The following KIF6 variants were observed in gnomAD, a reference collection of about 807,000 sequenced individuals.
The protein encoded by KIF6 is kinesin family member 6.
A neutral mutation model predicts 112.7 loss-of-function variants in KIF6; 106 were observed. The ratio of observed to expected loss-of-function variants is 0.94; its 90% CI spans 0.80 to 1.11. KIF6 has a LOEUF of 1.11. Among genes scored for constraint, KIF6 ranks in the 50% least tolerant of loss-of-function variants. The probability of loss-of-function intolerance (pLI) is 0.00; values close to 1 mark genes in which losing one functional copy is unlikely to be tolerated. For missense variants in KIF6, 929 were observed against 964.0 expected (o/e 0.96, Z 0.48); for synonymous variants, 339 against 339.9 (o/e 1.00, Z 0.03).
intron 3 of KIF6, among the ~76,000 whole-genome samples, chr6:39,663,964 A>G (rs1786307362): frequency 6.6e-6 from 1 of 151,956 alleles, no homozygotes; most frequent in Admixed American, 6.6e-5. Context: ...AAACATGTTG[A>G]AAGATTTGTT....
chr6:39,721,523 T>C (rs1195057592), intron 1 of KIF6, among the ~76,000 whole-genome samples: 1 of 152,180 alleles, frequency 6.6e-6, no homozygotes, highest in Non-Finnish European at 1.5e-5. Flanking sequence ...CCTGGTTTCC[T>C]ACTCCATCAT....
intron 15 of KIF6, among the ~76,000 whole-genome samples, chr6:39,397,537 C>T (rs1410468693): frequency 1.3e-5 from 2 of 152,090 alleles, no homozygotes; most frequent in Non-Finnish European, 2.9e-5. Context: ...GTTTCCCCCT[C>T]CCTGAACTTG....
chr6:39,375,548 C>T (rs1766373714), intron 16 of KIF6, among the ~76,000 whole-genome samples: 1 of 152,084 alleles, frequency 6.6e-6, no homozygotes, highest in South Asian at 2.1e-4. Context: ...GGCAAATTTC[C>T]TCTCTCTGCT....
intron 13 of KIF6, among the ~76,000 whole-genome samples, chr6:39,460,536 T>TAAAAAAAAAAAAAAAG (rs1773405729): frequency 1.8e-5 from 1 of 57,078 alleles, no homozygotes; most frequent in Admixed American, 2.2e-4. Flanking sequence ...AAAAAAAAAG[T>TAAAAAAAAAAAAAAAG]AAAAAAAAAA....
At chr6:39,350,068 G>A (rs1207706035) in intron 19 of KIF6, among the ~76,000 whole-genome samples, 1 of 152,184 alleles carries the variant, frequency 6.6e-6, no homozygotes, top group East Asian at 1.9e-4. Context: ...GAAATGGCAA[G>A]GGCCAGTCAC....
At chr6:39,399,326 C>T (rs76661163) in intron 15 of KIF6, among the ~76,000 whole-genome samples, 5,994 of 152,268 alleles carry the variant, frequency 0.039, 185 homozygotes, top group Non-Finnish European at 0.05. Flanking sequence ...TTGTCCCCAC[C>T]TCACATGTGA....
intron 14 of KIF6, among the ~76,000 whole-genome samples, chr6:39,426,901 A>C (rs1417097336): frequency 6.6e-6 from 1 of 152,190 alleles, no homozygotes; most frequent in African/African-American, 2.4e-5. Flanking sequence ...TTGTGCTTAG[A>C]ACCTACTTGC....
chr6:39,662,604 A>G (rs990075591), intron 3 of KIF6, among the ~76,000 whole-genome samples: 1 of 152,182 alleles, frequency 6.6e-6, no homozygotes, highest in Non-Finnish European at 1.5e-5. Flanking sequence ...TCGAAACCCA[A>G]TGTAAGAAGT....
intron 5 of KIF6, among the ~76,000 whole-genome samples, chr6:39,627,848 C>A (rs1344723208): frequency 3.9e-5 from 6 of 152,084 alleles, no homozygotes; most frequent in Non-Finnish European, 8.8e-5. Context: ...AACAGTTATC[C>A]TGTTTTACTT....
intron 10 of KIF6, among the ~76,000 whole-genome samples, chr6:39,575,677 C>T (rs1780926806): frequency 6.6e-6 from 1 of 152,150 alleles, no homozygotes; most frequent in African/African-American, 2.4e-5. Context: ...GGGGCCCTTC[C>T]CTGTCTCTCC....
intron 15 of KIF6, among the ~76,000 whole-genome samples, chr6:39,405,941 C>G (rs563368126): frequency 2.8e-4 from 43 of 152,260 alleles, no homozygotes; most frequent in Non-Finnish European, 5.9e-4. Context: ...AATTTGTCTA[C>G]TTTTATCTAA....
In KIF6 at chr6:39,682,377, G is replaced by A. The variant is rs559764008; in HGVS notation, c.251+32315C>T. On this transcript the variant is annotated intron_variant, in intron 3 of 22. Transcript: ENST00000287152. ...GGATGTTACTGTACTGAATACAGTAGGCAACTGTAACACAGTACTAAGCAT... is the reference window on the plus strand; with the variant it reads ...GGATGTTACTGTACTGAATACAGTAAGCAACTGTAACACAGTACTAAGCAT... 2.0e-4 allele frequency among the ~76,000 whole-genome samples: 30 copies of A among 152,220 alleles called. 1 individual carries two copies. In the East Asian group the frequency reaches 5.8e-3, roughly 29 times the overall value.
At chr6:39,500,981 C>T (rs1276655712) in intron 13 of KIF6, among the ~76,000 whole-genome samples, 1 of 152,074 alleles carries the variant, frequency 6.6e-6, no homozygotes, top group Non-Finnish European at 1.5e-5. Context: ...GTTTGCGGAA[C>T]TCATGGAGAG....
chr6:39,659,130 C>T (rs570574445), intron 3 of KIF6, among the ~76,000 whole-genome samples: 12 of 152,268 alleles, frequency 7.9e-5, no homozygotes, highest in African/African-American at 2.2e-4. Flanking sequence ...GGAAAACTGG[C>T]CCCAATGTGA....
At chr6:39,570,196 G>A (rs948073824) in intron 10 of KIF6, among the ~76,000 whole-genome samples, 9 of 152,134 alleles carry the variant, frequency 5.9e-5, no homozygotes, top group African/African-American at 2.2e-4. Context: ...GATTGGACTT[G>A]GAGTATGAGA....
rs1321530402 is a variant in KIF6 at position 39,378,289 on chromosome 6, C to A, written c.1861+7333G>T. On this transcript the variant is annotated intron_variant, in intron 16 of 22. Transcript: ENST00000287152. The surrounding 1 kb of genome is among the most constrained non-coding windows in gnomAD (Gnocchi z 5.0). ...CCCACAAACCACACACACATACACA[C>A]CACACACACAAGCACAAAACACACA... Among the ~76,000 whole-genome samples the A allele has an allele frequency of 6.6e-6, 1 of 151,436 alleles. No homozygotes were observed. Among genetic ancestry groups the A allele is most frequent in the African/African-American group, 2.4e-5 (1 of 41,290 alleles).
chr6:39,567,568 C>A (rs773258565), intron 10 of KIF6, among the ~76,000 whole-genome samples: 6 of 152,022 alleles, frequency 3.9e-5, no homozygotes, highest in Non-Finnish European at 8.8e-5. Flanking sequence ...TCCACAAGGC[C>A]TAGCATCCAG....
At chr6:39,701,576 C>T (rs892265496) in intron 3 of KIF6, among the ~76,000 whole-genome samples, 2 of 152,190 alleles carry the variant, frequency 1.3e-5, no homozygotes, top group Admixed American at 6.5e-5. Flanking sequence ...ACAAAACATA[C>T]GTTCAAAGAT....
chr6:39,700,341 ACAACATT>A (rs1788809980), intron 3 of KIF6, among the ~76,000 whole-genome samples: 1 of 152,210 alleles, frequency 6.6e-6, no homozygotes, highest in African/African-American at 2.4e-5. Context: ...ATAAACTGTG[ACAACATT>A]AAGGTAAATT....
Sources: allele counts gnomAD v4.1 joint callset (sites outside exome capture counted in the v4.1 genomes callset), GRCh38; gene constraint gnomAD v4.1.1; non-coding constraint Gnocchi (gnomAD v3.1); transcripts MANE v1.5; gene names NCBI Gene and HGNC (gene_info 2026-07-23, HGNC 2026-07-21).